Variants in TTC29 observed in about 807,000 individuals in gnomAD.
TTC29 encodes tetratricopeptide repeat protein 29.
In TTC29, 49 loss-of-function variants were observed where a neutral mutation model predicts 58.1. The observed-to-expected ratio is 0.84, with a 90% CI of 0.67 to 1.07. The LOEUF is 1.07. TTC29 is among the 50% of genes least tolerant of loss of function. The probability of loss-of-function intolerance (pLI) is 0.00; values close to 1 mark genes in which losing one functional copy is unlikely to be tolerated. For synonymous variants in TTC29, 209 were observed against 196.8 expected (o/e 1.06, Z -0.52); for missense variants, 582 against 555.6 (o/e 1.05, Z -0.48).
At chr4:146,814,595 G>A (rs927855439) in intron 10 of TTC29, among the ~76,000 whole-genome samples, 6 of 151,810 alleles carry the variant, frequency 4.0e-5, no homozygotes, top group Admixed American at 1.3e-4. Context: ...GCGTGGTGGC[G>A]CACGCCTGTA....
chr4:146,796,816 GATGCAAAGATGTATGCC>G (rs1311362567), intron 11 of TTC29, among the ~76,000 whole-genome samples: 1 of 152,138 alleles, frequency 6.6e-6, no homozygotes, highest in Admixed American at 6.6e-5. Flanking sequence ...TCCAGGTCTG[GATGCAAAGATGTATGCC>G]ATGAGTCTGA....
chr4:146,716,411 G>T (rs746646899), intron 11 of TTC29, among the ~76,000 whole-genome samples: 4 of 152,026 alleles, frequency 2.6e-5, no homozygotes, highest in South Asian at 2.1e-4. Context: ...AATTATATGA[G>T]ATAATTTTTT....
intron 4 of TTC29, among the ~76,000 whole-genome samples, chr4:146,920,083 A>T (rs1188062403): frequency 1.3e-5 from 2 of 151,112 alleles, no homozygotes; most frequent in Non-Finnish European, 3.0e-5. Context: ...TTTTATCCAG[A>T]TCATGTCTTT....
chr4:146,913,392 G>A (rs1349039508), intron 4 of TTC29, among the ~76,000 whole-genome samples: 1 of 152,042 alleles, frequency 6.6e-6, no homozygotes, highest in Admixed American at 6.6e-5. Context: ...TGCTTTTGCT[G>A]GATTTGGTCC....
At chr4:146,869,995 A>G (rs1451175701) in intron 7 of TTC29, among the ~76,000 whole-genome samples, 1 of 152,100 alleles carries the variant, frequency 6.6e-6, no homozygotes, top group African/African-American at 2.4e-5. Flanking sequence ...ACATAAAGAG[A>G]GAGAAAATAA....
intron 8 of TTC29, among the ~76,000 whole-genome samples, chr4:146,856,045 T>A (rs1370394126): frequency 1.3e-5 from 2 of 152,188 alleles, no homozygotes; most frequent in Non-Finnish European, 2.9e-5. Flanking sequence ...CCAGCGAACA[T>A]TTTCATACAC....
chr4:146,883,791 A>G (rs1731795777), intron 6 of TTC29, among the ~76,000 whole-genome samples: 1 of 152,090 alleles, frequency 6.6e-6, no homozygotes, highest in East Asian at 1.9e-4. Context: ...AGCAGTAAAT[A>G]ATTAAAACAC....
chr4:146,792,502 A>G (rs1293120746), intron 11 of TTC29, among the ~76,000 whole-genome samples: 1 of 152,178 alleles, frequency 6.6e-6, no homozygotes, highest in Non-Finnish European at 1.5e-5. Flanking sequence ...GGCACCCAAG[A>G]TTGCTCTGAT....
At position 146,729,903 on chromosome 4, in the gene TTC29, C is replaced by T. The variant is rs114662703; in HGVS notation, c.1331-22352G>A. ...CTCCCACCATGACCCTCCCTCGATA[C>T]GTGGGGATTATGGGGATTACCATTA... On this transcript the variant is annotated intron_variant, in intron 11 of 12. Transcript: ENST00000325106. 9.0e-3 allele frequency among the ~76,000 whole-genome samples: 1,368 copies of T among 151,930 alleles called. 23 individuals are homozygous for T. The highest frequency in any genetic ancestry group is 0.031 in the African/African-American group (1,289 of 41,430).
At chr4:146,911,199 C>T (rs1733874092) in intron 4 of TTC29, among the ~76,000 whole-genome samples, 1 of 152,198 alleles carries the variant, frequency 6.6e-6, no homozygotes, top group African/African-American at 2.4e-5. Flanking sequence ...TAATTGCCCA[C>T]AGCCCATGAA....
intron 10 of TTC29, among the ~76,000 whole-genome samples, chr4:146,811,813 T>C (rs1751043907): frequency 6.6e-6 from 1 of 152,214 alleles, no homozygotes; most frequent in Non-Finnish European, 1.5e-5. Flanking sequence ...AGAACTTCTG[T>C]GATCATTTTG....
intron 1 of TTC29, 189 bp downstream of exon 1, chr4:146,945,520 C>T (rs1186895452): frequency 6.6e-6 from 1 of 152,402 alleles, no homozygotes; most frequent in Non-Finnish European, 1.5e-5. Flanking sequence ...GGAACTGGCG[C>T]CTTTCCCTAC....
chr4:146,707,569 A>T lies in TTC29; in HGVS notation c.1331-18T>A. The T allele has an allele frequency of 6.5e-7, 1 of 1,546,660 alleles. No homozygotes were observed. Among genetic ancestry groups the T allele is most frequent in the South Asian group, 1.1e-5 (1 of 87,018 alleles). ...AAACTCTTCTAAAAAAAAAATACAC[A>T]AAGTTAATAGATTATCATGAACACA... On this transcript the variant is annotated intron_variant, in intron 11 of 12. Transcript: ENST00000325106.
chr4:146,749,571 T>C (rs1270740812), intron 11 of TTC29, among the ~76,000 whole-genome samples: 1 of 152,106 alleles, frequency 6.6e-6, no homozygotes, highest in Non-Finnish European at 1.5e-5. Context: ...ATTTTTGAAT[T>C]ATGGGACTTC....
chr4:146,904,557 C>G (rs1733396623), intron 5 of TTC29, among the ~76,000 whole-genome samples: 1 of 152,120 alleles, frequency 6.6e-6, no homozygotes, highest in Admixed American at 6.5e-5. Flanking sequence ...TAAGTTGTGC[C>G]TCAGTCCTGT....
At chr4:146,770,179 T>C (rs1747625790) in intron 11 of TTC29, among the ~76,000 whole-genome samples, 1 of 152,062 alleles carries the variant, frequency 6.6e-6, no homozygotes, top group East Asian at 1.9e-4. Context: ...ATCCCTGGTG[T>C]GAGGTCTCTG....
chr4:146,887,951 C>T, intron 6 of TTC29, among the ~76,000 whole-genome samples: 1 of 151,910 alleles, frequency 6.6e-6, no homozygotes, highest in South Asian at 2.1e-4. Context: ...TAGGGACAAG[C>T]AGAAAAGCCT....
At chr4:146,877,208 T>C (rs1368933455) in intron 6 of TTC29, among the ~76,000 whole-genome samples, 1 of 152,118 alleles carries the variant, frequency 6.6e-6, no homozygotes, top group African/African-American at 2.4e-5. Context: ...GCATTATCAG[T>C]GTTATGTCTG....
At chr4:146,854,219 C>T (rs1579834609) in intron 8 of TTC29, among the ~76,000 whole-genome samples, 1 of 152,232 alleles carries the variant, frequency 6.6e-6, no homozygotes, top group African/African-American at 2.4e-5. Flanking sequence ...AATTCCACAT[C>T]TCAAAGTCAG....
Sources: allele counts gnomAD v4.1 joint callset (sites outside exome capture counted in the v4.1 genomes callset), GRCh38; gene constraint gnomAD v4.1.1; transcripts MANE v1.5; gene names NCBI Gene and HGNC (gene_info 2026-07-23, HGNC 2026-07-21).